Variants in PTPRD observed in about 807,000 individuals in gnomAD.
PTPRD encodes protein tyrosine phosphatase receptor type D, also known as receptor-type tyrosine-protein phosphatase delta.
PTPRD carries 34 observed loss-of-function variants against 214.5 expected under a neutral mutation model. The ratio of observed to expected loss-of-function variants is 0.16; its 90% CI spans 0.12 to 0.21. The LOEUF is 0.21. Ranked by LOEUF, PTPRD falls within the 10% of genes least tolerant of loss-of-function variation. The pLI is 1.00. For missense variants in PTPRD, 2,545 were observed against 2,398.7 expected, an observed-to-expected ratio of 1.06 and a Z score of -1.27; for synonymous variants, 1,128 against 845.7, an observed-to-expected ratio of 1.33 and a Z score of -5.79.
At chr9:8,471,658 C>T (rs543444264) in intron 30 of PTPRD, among the ~76,000 whole-genome samples, 14 of 152,136 alleles carry the variant, frequency 9.2e-5, no homozygotes, top group South Asian at 4.2e-4. Context: ...TTGCAAATCT[C>T]GAGGTAAGTA....
intron 2 of PTPRD, among the ~76,000 whole-genome samples, chr9:10,410,195 A>G (rs888869717): frequency 1.4e-5 from 2 of 148,102 alleles, no homozygotes; most frequent in African/African-American, 4.9e-5. Context: ...CTTCTTTTCT[A>G]AAGACTTTCA....
At chr9:10,601,902 C>A (rs867845747) in intron 2 of PTPRD, among the ~76,000 whole-genome samples, 1 of 151,616 alleles carries the variant, frequency 6.6e-6, no homozygotes, top group Non-Finnish European at 1.5e-5. Context: ...ATTTTCTTAA[C>A]AAGTAATCAG....
intron 8 of PTPRD, among the ~76,000 whole-genome samples, chr9:9,461,797 G>T (rs2093682140): frequency 1.3e-5 from 2 of 152,114 alleles, no homozygotes; most frequent in Non-Finnish European, 2.9e-5. Flanking sequence ...AACAGTAAAT[G>T]AACTGTGCAG....
At chr9:9,162,064 G>T (rs1002944680) in intron 10 of PTPRD, among the ~76,000 whole-genome samples, 2 of 152,034 alleles carry the variant, frequency 1.3e-5, no homozygotes, top group African/African-American at 2.4e-5. Flanking sequence ...GCATTTAGAA[G>T]ATCTTCAACT....
rs756351686 is a variant in PTPRD, at chr9:9,970,920, ATTG to A, written c.-471-32313_-471-32311del. On this transcript the variant is annotated intron_variant, in intron 4 of 45. Transcript: ENST00000381196. ...ACTGGTAGTTAAATACAGACTGTTTATTGTTCTAAATTTTAAATTTAAATTTTC... is the reference window on the plus strand; with the variant it reads ...ACTGGTAGTTAAATACAGACTGTTTATTCTAAATTTTAAATTTAAATTTTC... 6.6e-5 allele frequency among the ~76,000 whole-genome samples: 10 copies of A among 152,294 alleles called. No homozygotes were observed. In the East Asian group the frequency reaches 1.5e-3, roughly 23 times the overall value.
chr9:9,449,645 G>A (rs1342721240), intron 8 of PTPRD, among the ~76,000 whole-genome samples: 2 of 151,920 alleles, frequency 1.3e-5, no homozygotes, highest in Admixed American at 6.6e-5. Context: ...TTCCACATTT[G>A]CTCATTCACA....
intron 11 of PTPRD, among the ~76,000 whole-genome samples, chr9:8,735,888 G>C (rs1252395084): frequency 6.8e-6 from 1 of 147,844 alleles, no homozygotes; most frequent in Non-Finnish European, 1.5e-5. Flanking sequence ...CTCCAGTCTG[G>C]GTGACAAGTG....
intron 8 of PTPRD, among the ~76,000 whole-genome samples, chr9:9,432,758 C>T (rs1303443169): frequency 6.6e-6 from 1 of 152,124 alleles, no homozygotes; most frequent in African/African-American, 2.4e-5. Flanking sequence ...CACTTTAATA[C>T]CTAAGAAAAG....
At position 8,867,790 on chromosome 9, in the gene PTPRD, TAG is replaced by T. The variant is rs879650192; in HGVS notation, c.-103-133846_-103-133845del. Among the ~76,000 whole-genome samples, 1,397 of 152,352 alleles carry T rather than the reference TAG, an allele frequency of 9.2e-3. 25 individuals carry two copies. Among genetic ancestry groups the T allele is most frequent in the African/African-American group, 0.032 (1,319 of 41,592 alleles). Reference sequence around the variant, plus strand: ...TCTTTTTCTTTCTATGCTTCTGCCATAGGCCAACCTTGTAAAATCTTTATGGA... The same window carrying T: ...TCTTTTTCTTTCTATGCTTCTGCCATGCCAACCTTGTAAAATCTTTATGGA... On this transcript the variant is annotated intron_variant, in intron 11 of 45. Coordinates refer to ENST00000381196, the MANE Select transcript of PTPRD (RefSeq NM_002839.4).
chr9:8,652,997 C>G (rs1176362713), intron 12 of PTPRD, among the ~76,000 whole-genome samples: 1 of 152,172 alleles, frequency 6.6e-6, no homozygotes, highest in East Asian at 1.9e-4. Flanking sequence ...TTTATATAAC[C>G]CAGTCATAGT....
At chr9:9,854,196 A>G (rs2061096744) in intron 5 of PTPRD, among the ~76,000 whole-genome samples, 1 of 152,238 alleles carries the variant, frequency 6.6e-6, no homozygotes, top group Admixed American at 6.5e-5. Flanking sequence ...TTAATTTACT[A>G]TTTTGTGCAA....
chr9:9,129,455 T>A (rs894494445), intron 10 of PTPRD, among the ~76,000 whole-genome samples: 2 of 152,172 alleles, frequency 1.3e-5, no homozygotes, highest in African/African-American at 4.8e-5. Context: ...CCCTTCCTCC[T>A]TTCTTATTTA....
intron 2 of PTPRD, among the ~76,000 whole-genome samples, chr9:10,562,559 T>C (rs1161279076): frequency 6.6e-6 from 1 of 152,160 alleles, no homozygotes; most frequent in African/African-American, 2.4e-5. Flanking sequence ...TCCTGAATAA[T>C]TATTTTATTA....
chr9:9,450,307 G>T (rs1238853005), intron 8 of PTPRD, among the ~76,000 whole-genome samples: 1 of 151,892 alleles, frequency 6.6e-6, no homozygotes, highest in Non-Finnish European at 1.5e-5. Flanking sequence ...TGGATCAAAT[G>T]GTAGTTCTAC....
intron 11 of PTPRD, among the ~76,000 whole-genome samples, chr9:8,785,240 G>T (rs2095891717): frequency 2.0e-5 from 3 of 151,942 alleles, no homozygotes; most frequent in Admixed American, 6.6e-5. Context: ...AGAATAACAG[G>T]GGAAAAAAAC....
chr9:9,778,573 G>C (rs914313850), intron 5 of PTPRD, among the ~76,000 whole-genome samples: 13 of 152,152 alleles, frequency 8.5e-5, no homozygotes, highest in African/African-American at 3.1e-4. Context: ...TGTTTTGTAA[G>C]TCCTGCTGTC....
intron 7 of PTPRD, among the ~76,000 whole-genome samples, chr9:9,694,557 T>C (rs1018532034): frequency 5.9e-5 from 9 of 151,964 alleles, no homozygotes; most frequent in Non-Finnish European, 1.2e-4. Context: ...CCTTCAGGAT[T>C]GCGAGTTCCA....
chr9:9,443,343 C>G (rs969952105), intron 8 of PTPRD, among the ~76,000 whole-genome samples: 1 of 152,150 alleles, frequency 6.6e-6, no homozygotes, highest in Non-Finnish European at 1.5e-5. Context: ...TATTATTAAA[C>G]CACTTCAGAA....
At chr9:8,580,417 G>T (rs530435897) in intron 14 of PTPRD, among the ~76,000 whole-genome samples, 1 of 152,290 alleles carries the variant, frequency 6.6e-6, no homozygotes, top group African/African-American at 2.4e-5. Flanking sequence ...GTAGAATATA[G>T]ACCCAAGGTA....
Sources: gnomAD v4.1 joint callset for allele counts (sites outside exome capture counted in the v4.1 genomes callset) on GRCh38, gnomAD v4.1.1 for gene constraint, MANE v1.5 for transcripts, NCBI Gene and HGNC (gene_info 2026-07-23, HGNC 2026-07-21) for gene names.